Variants in EFNA5 observed in about 807,000 individuals in gnomAD.
The protein encoded by EFNA5 is ephrin A5, also known as ephrin-A5.
Under a neutral mutation model 22.9 loss-of-function variants are expected in EFNA5, and 5 were observed. The observed-to-expected ratio is 0.22, with a 90% CI of 0.11 to 0.46. The LOEUF (loss-of-function observed/expected upper bound fraction) is 0.46. EFNA5 is among the 20% of genes least tolerant of loss of function. EFNA5 has a pLI of 0.99. For missense variants in EFNA5, 237 were observed against 293.3 expected (o/e 0.81, Z 1.40); for synonymous variants, 113 against 112.2 (o/e 1.01, Z -0.04).
intron 1 of EFNA5, among the ~76,000 whole-genome samples, chr5:107,453,987 C>T (rs1047405171): frequency 2.6e-5 from 4 of 151,790 alleles, no homozygotes; most frequent in Admixed American, 2.6e-4. Context: ...GTGACAGATG[C>T]ATAGCAGAAT....
chr5:107,482,814 G>GTC (rs200778465), intron 1 of EFNA5, among the ~76,000 whole-genome samples: 44 of 73,244 alleles, frequency 6.0e-4, no homozygotes, highest in African/African-American at 1.7e-3. Flanking sequence ...CTCTCTCTCT[G>GTC]TCTCTCTCTC....
At chr5:107,508,656 TA>T (rs1322071173) in intron 1 of EFNA5, among the ~76,000 whole-genome samples, 1 of 152,168 alleles carries the variant, frequency 6.6e-6, no homozygotes, top group East Asian at 1.9e-4. Context: ...TAATCTTAAT[TA>T]AATAGACTTC....
At chr5:107,643,450 C>T (rs1411748805) in intron 1 of EFNA5, among the ~76,000 whole-genome samples, 1 of 152,106 alleles carries the variant, frequency 6.6e-6, no homozygotes, top group East Asian at 1.9e-4. Context: ...CCGTGGACAC[C>T]CTGCTTCAGT....
At chr5:107,598,940 C>A (rs966834592) in intron 1 of EFNA5, among the ~76,000 whole-genome samples, 22 of 152,150 alleles carry the variant, frequency 1.4e-4, no homozygotes, top group African/African-American at 4.8e-4. Context: ...GATGCTCAAA[C>A]AGACCAGGAC....
At chr5:107,489,290 C>T (rs1746733804) in intron 1 of EFNA5, among the ~76,000 whole-genome samples, 1 of 152,094 alleles carries the variant, frequency 6.6e-6, no homozygotes, top group Non-Finnish European at 1.5e-5. Flanking sequence ...TCTCCTGCCC[C>T]AGCCTCTCTA....
At chr5:107,573,145 C>T (rs1748853539) in intron 1 of EFNA5, among the ~76,000 whole-genome samples, 1 of 152,124 alleles carries the variant, frequency 6.6e-6, no homozygotes, top group Non-Finnish European at 1.5e-5. Context: ...GTGAGTTCAC[C>T]AGCTCAGGCT....
Position 107,639,752 on chromosome 5 carries a change from T to C in EFNA5, c.125+30737A>G, listed in dbSNP as rs538767035. Among the ~76,000 whole-genome samples the C allele has an allele frequency of 3.9e-5, 6 of 152,272 alleles. No individual in the cohort carries two copies. The East Asian group carries it at 1.2e-3, about 29-fold the overall frequency. On this transcript the variant is annotated intron_variant, in intron 1 of 4. Transcript: ENST00000333274. ...TAAACAGTAAACAAATAAGCCTCCA[T>C]TTCATTATCAAACAAATGTCTATTA...
In EFNA5 at chr5:107,381,826, C is replaced by T. The variant is rs547065841; in HGVS notation, c.566-450G>A. On this transcript the variant is annotated intron_variant, in intron 4 of 4. Transcript: ENST00000333274. ...GCGCTGCCCATTTCCCTTCTTTTAG[C>T]TGTTTCATAGGATTAGTGTTGAATG... Among the ~76,000 whole-genome samples the T allele has an allele frequency of 3.3e-5, 5 of 152,308 alleles. No individual in the cohort carries two copies. In the East Asian group the frequency reaches 7.7e-4, roughly 24 times the overall value.
At chr5:107,439,300 A>C (rs955835792) in intron 1 of EFNA5, among the ~76,000 whole-genome samples, 1 of 152,182 alleles carries the variant, frequency 6.6e-6, no homozygotes, top group African/African-American at 2.4e-5. Flanking sequence ...AACTTCTGCT[A>C]GACCTTGGTC....
intron 1 of EFNA5, among the ~76,000 whole-genome samples, chr5:107,474,369 A>T (rs1750223551): frequency 6.6e-6 from 1 of 152,074 alleles, no homozygotes. Context: ...GTAATCAATA[A>T]TATTTTACAG....
At chr5:107,438,170 A>G (rs1580451759) in intron 1 of EFNA5, among the ~76,000 whole-genome samples, 2 of 152,260 alleles carry the variant, frequency 1.3e-5, no homozygotes, top group East Asian at 3.9e-4. Context: ...ATTTATTACT[A>G]ATTCATTACA....
rs534814016 is a variant in EFNA5 at position 107,427,498 on chromosome 5, C to T, written c.137G>A (p.Gly46Asp). The T allele has an allele frequency of 6.3e-7, 1 of 1,595,590 alleles. No individual in the cohort carries two copies. Among genetic ancestry groups the T allele is most frequent in the African/African-American group, 1.3e-5 (1 of 74,096 alleles). The change falls in exon 2 of 5, where the codon GGT becomes GAT. Residue 46 changes from glycine (G) to aspartate (D), a missense_variant. Physicochemically the swap from Gly to Asp is moderately conservative, Grantham distance 94 (BLOSUM62 -1). Coordinates refer to ENST00000333274, the MANE Select transcript of EFNA5 (RefSeq NM_001962.3). ...WNSSNPRFQR[G>D]DYHIDVCIND... ...GATACAGACATCAATATGGTAGTCA[C>T]CCCTCTGGAATCTGTTAGAAAAAGA...
At chr5:107,531,383 T>C (rs1318472791) in intron 1 of EFNA5, among the ~76,000 whole-genome samples, 1 of 151,982 alleles carries the variant, frequency 6.6e-6, no homozygotes, top group Non-Finnish European at 1.5e-5. Context: ...TACTGACAAA[T>C]GAAAGGGGCA....
intron 1 of EFNA5, among the ~76,000 whole-genome samples, chr5:107,472,075 C>T (rs1750155806): frequency 6.6e-6 from 1 of 152,232 alleles, no homozygotes; most frequent in African/African-American, 2.4e-5. Flanking sequence ...ATGCACAAAG[C>T]CATACACACA....
chr5:107,477,560 GGT>G (rs1193796412), intron 1 of EFNA5, among the ~76,000 whole-genome samples: 1 of 152,082 alleles, frequency 6.6e-6, no homozygotes, highest in African/African-American at 2.4e-5. Flanking sequence ...TTATTTTTCA[GGT>G]GTCTTTTGGG....
intron 1 of EFNA5, among the ~76,000 whole-genome samples, chr5:107,459,731 C>A (rs1451360049): frequency 1.3e-5 from 2 of 152,122 alleles, no homozygotes; most frequent in Non-Finnish European, 1.5e-5. Flanking sequence ...CGCAATGGCA[C>A]AGCAGAAGAA....
chr5:107,627,752 T>C (rs990869734), intron 1 of EFNA5, among the ~76,000 whole-genome samples: 5 of 152,166 alleles, frequency 3.3e-5, no homozygotes, highest in African/African-American at 9.7e-5. Context: ...TGTTGAATCA[T>C]GTATTTTATA....
chr5:107,515,166 CTGGGAT>C (rs1747450344), intron 1 of EFNA5, among the ~76,000 whole-genome samples: 1 of 151,928 alleles, frequency 6.6e-6, no homozygotes, highest in Non-Finnish European at 1.5e-5. Context: ...TCCCAAGTAG[CTGGGAT>C]TACAGGCGAC....
At chr5:107,474,122 A>G (rs1750217549) in intron 1 of EFNA5, among the ~76,000 whole-genome samples, 1 of 152,196 alleles carries the variant, frequency 6.6e-6, no homozygotes, top group Non-Finnish European at 1.5e-5. Flanking sequence ...ACCAATATTT[A>G]GAAACCCAGA....
Sources: gnomAD v4.1 joint callset for allele counts (sites outside exome capture counted in the v4.1 genomes callset) on GRCh38, gnomAD v4.1.1 for gene constraint, MANE v1.5 for transcripts, NCBI Gene and HGNC (gene_info 2026-07-23, HGNC 2026-07-21) for gene names.